The following ELMO1 variants were observed in gnomAD, a reference collection of about 807,000 sequenced individuals.
ELMO1 encodes the protein engulfment and cell motility 1.
Under a neutral mutation model 98.9 loss-of-function variants are expected in ELMO1, and 26 were observed. That is an observed-to-expected ratio of 0.26 (90% CI 0.19 to 0.36). The LOEUF (loss-of-function observed/expected upper bound fraction) is 0.36, where lower values mean the gene tolerates loss of function less well. Among genes scored for constraint, ELMO1 ranks in the 10% least tolerant of loss-of-function variants. The pLI is 1.00. For missense variants in ELMO1, 627 were observed against 935.2 expected, an observed-to-expected ratio of 0.67 and a Z score of 4.30; for synonymous variants, 346 against 346.0, an observed-to-expected ratio of 1.00 and a Z score of 0.00.
intron 2 of ELMO1, among the ~76,000 whole-genome samples, chr7:37,317,093 G>T (rs1050968898): frequency 6.6e-6 from 1 of 152,076 alleles, no homozygotes; most frequent in Non-Finnish European, 1.5e-5. Context: ...AAGGGCAAAA[G>T]ACTTCAAAAA....
intron 1 of ELMO1, among the ~76,000 whole-genome samples, chr7:37,410,938 A>T (rs149167761): frequency 1.3e-5 from 2 of 152,346 alleles, no homozygotes; most frequent in East Asian, 3.9e-4. Context: ...TGCAGAAGGC[A>T]TCAGGATAGA....
chr7:37,369,302 G>A, intron 1 of ELMO1, among the ~76,000 whole-genome samples: 1 of 152,154 alleles, frequency 6.6e-6, no homozygotes, highest in Non-Finnish European at 1.5e-5. Flanking sequence ...AGGTTTTGTA[G>A]TATTTGCATT....
chr7:36,916,116 G>A (rs1359211490), intron 16 of ELMO1, among the ~76,000 whole-genome samples: 2 of 152,174 alleles, frequency 1.3e-5, no homozygotes, highest in African/African-American at 2.4e-5. Context: ...AGTGGAAGGC[G>A]GCACCTGGAT....
At chr7:37,120,223 A>G (rs1490957613) in intron 14 of ELMO1, among the ~76,000 whole-genome samples, 4 of 152,182 alleles carry the variant, frequency 2.6e-5, no homozygotes, top group Non-Finnish European at 5.9e-5. Flanking sequence ...CAACTCAGAA[A>G]ACGGGTGATT....
chr7:37,180,473 C>T (rs550068775), intron 13 of ELMO1, among the ~76,000 whole-genome samples: 1 of 152,198 alleles, frequency 6.6e-6, no homozygotes, highest in Admixed American at 6.5e-5. Context: ...TCAAAGAACA[C>T]ACAGAAAGGC....
Position 37,153,201 on chromosome 7 carries a change from A to T in ELMO1, c.1087-19967T>A, listed in dbSNP as rs375979674. 1.0e-3 allele frequency among the ~76,000 whole-genome samples: 156 copies of T among 152,306 alleles called. 2 individuals carry two copies. In the South Asian group the frequency reaches 0.031, roughly 30 times the overall value. ...GGCCAAATAGAAACAGCTCCGGTCT[A>T]CAGCTCCCAGTGATATTGACGCAGC... On this transcript the variant is annotated intron_variant, in intron 13 of 21. Transcript: ENST00000310758.
chr7:37,258,373 G>A (rs781423511), intron 6 of ELMO1, among the ~76,000 whole-genome samples: 2 of 152,088 alleles, frequency 1.3e-5, no homozygotes, highest in Non-Finnish European at 1.5e-5. Flanking sequence ...CCCAGGAGGT[G>A]GAGGTTGCAG....
Position 37,439,007 on chromosome 7 carries a change from G to A in ELMO1, c.-74+9668C>T, listed in dbSNP as rs370031448. On this transcript the variant is annotated intron_variant, in intron 1 of 21. Coordinates refer to ENST00000310758, the MANE Select transcript of ELMO1 (RefSeq NM_014800.11). ...TCTGCTCAGACTCTGGCTGGCACCC[G>A]CTGGAAGGCGGGGGCTGGACAACCT... Among the ~76,000 whole-genome samples the A allele has an allele frequency of 3.3e-5, 5 of 152,326 alleles. No homozygotes were observed. The East Asian group carries it at 5.8e-4, about 18-fold the overall frequency.
chr7:37,030,516 G>A (rs1353225248), intron 15 of ELMO1, among the ~76,000 whole-genome samples: 1 of 152,048 alleles, frequency 6.6e-6, no homozygotes, highest in Non-Finnish European at 1.5e-5. Flanking sequence ...TACCCAATAT[G>A]ACAACATGGT....
At chr7:37,321,315 A>G (rs1040783346) in intron 2 of ELMO1, among the ~76,000 whole-genome samples, 4 of 152,198 alleles carry the variant, frequency 2.6e-5, no homozygotes, top group African/African-American at 9.7e-5. Context: ...TACGTAAGGT[A>G]CGTCTATCTG....
chr7:37,425,660 T>C (rs545624363), intron 1 of ELMO1, among the ~76,000 whole-genome samples: 8 of 152,334 alleles, frequency 5.3e-5, no homozygotes, highest in East Asian at 3.9e-4. Flanking sequence ...AGATTTCCCA[T>C]GTGTAAAATG....
At chr7:37,351,344 T>A (rs1801259004) in intron 1 of ELMO1, 1 of 152,264 alleles carries the variant, frequency 6.6e-6, no homozygotes, top group South Asian at 2.1e-4. Context: ...CTGGGCGCAG[T>A]GGCTTGCGCC....
At chr7:37,148,379 A>G (rs1788138214) in intron 13 of ELMO1, among the ~76,000 whole-genome samples, 1 of 152,232 alleles carries the variant, frequency 6.6e-6, no homozygotes, top group South Asian at 2.1e-4. Context: ...TTTCCTAGTT[A>G]AAAAATAATA....
chr7:37,131,549 TA>T (rs1174244312), intron 14 of ELMO1, among the ~76,000 whole-genome samples: 1 of 152,222 alleles, frequency 6.6e-6, no homozygotes, highest in Non-Finnish European at 1.5e-5. Flanking sequence ...CAGTTAGTGG[TA>T]AATTCAATTT....
intron 1 of ELMO1, among the ~76,000 whole-genome samples, chr7:37,361,686 C>T (rs1297513409): frequency 6.6e-6 from 1 of 152,218 alleles, no homozygotes; most frequent in Non-Finnish European, 1.5e-5. Flanking sequence ...CATCCGGGCA[C>T]AGTGGCTCAA....
At chr7:37,219,821 T>C (rs1225992491) in intron 10 of ELMO1, among the ~76,000 whole-genome samples, 1 of 152,226 alleles carries the variant, frequency 6.6e-6, no homozygotes, top group Non-Finnish European at 1.5e-5. Flanking sequence ...GAGAATAAAA[T>C]GAAATAATGT....
At position 36,855,515 on chromosome 7, in the gene ELMO1, C is replaced by T. The variant is rs200650822; in HGVS notation, c.*36G>A. 5.4e-5 allele frequency: 87 copies of T among 1,612,236 alleles called. No homozygotes were observed. The highest frequency in any genetic ancestry group is 6.4e-5 in the Non-Finnish European group (75 of 1,179,104). On this transcript the variant is annotated 3_prime_UTR_variant, in exon 22 of 22. Transcript: ENST00000310758. This position sits in a 1 kb window ranked among gnomAD's most constrained non-coding sequence, Gnocchi z 4.2. ...TCCTCTCTCCTGTTAGCTAGGTGTT[C>T]CAGTTTTGGAAGGGGCATGTCTGGG...
In ELMO1 at chr7:36,959,075, A is replaced by T. The variant is rs117156003; in HGVS notation, c.1437+54224T>A. On this transcript the variant is annotated intron_variant, in intron 16 of 21. Transcript: ENST00000310758. ...TATGAGTGGTGCCATCAAAACCTAA[A>T]GTCATACTTGACTTCATCAGTCTCT... 1.4e-4 allele frequency among the ~76,000 whole-genome samples: 22 copies of T among 152,170 alleles called. No homozygotes were observed. The East Asian group carries it at 4.1e-3, about 28-fold the overall frequency.
chr7:36,907,450 C>T (rs1784044136), intron 16 of ELMO1, among the ~76,000 whole-genome samples: 1 of 152,150 alleles, frequency 6.6e-6, no homozygotes, highest in Non-Finnish European at 1.5e-5. Context: ...AACCTGTCAC[C>T]CACCACAGCT....
Sources: gnomAD v4.1 joint callset for allele counts (sites outside exome capture counted in the v4.1 genomes callset) on GRCh38, gnomAD v4.1.1 for gene constraint, Gnocchi (gnomAD v3.1) non-coding constraint, MANE v1.5 for transcripts, NCBI Gene and HGNC (gene_info 2026-07-23, HGNC 2026-07-21) for gene names.